The following AMPH variants were observed in gnomAD, a reference collection of about 807,000 sequenced individuals.
AMPH encodes amphiphysin.
AMPH carries 49 observed loss-of-function variants against 99.1 expected under a neutral mutation model. The observed-to-expected ratio is 0.49, with a 90% CI of 0.39 to 0.63. AMPH has a LOEUF of 0.63. Among genes scored for constraint, AMPH ranks in the 20% least tolerant of loss-of-function variants. The pLI, the probability that AMPH is intolerant of heterozygous loss-of-function variation, is 0.00. For missense variants in AMPH, 759 were observed against 863.4 expected, an observed-to-expected ratio of 0.88 and a Z score of 1.52; for synonymous variants, 314 against 317.3, an observed-to-expected ratio of 0.99 and a Z score of 0.11.
intron 1 of AMPH, among the ~76,000 whole-genome samples, chr7:38,581,460 G>A (rs1452951214): frequency 1.3e-5 from 2 of 152,202 alleles, no homozygotes; most frequent in African/African-American, 2.4e-5. Flanking sequence ...AACTGGCAGG[G>A]AAGGGTTATA....
chr7:38,494,358 G>C (rs985321011), intron 4 of AMPH, 75 bp downstream of exon 4: 13 of 1,242,896 alleles, frequency 1.0e-5, no homozygotes, highest in Non-Finnish European at 1.3e-5. Context: ...ACTGTGAAGT[G>C]GAAAGAGCAA....
intron 17 of AMPH, among the ~76,000 whole-genome samples, chr7:38,405,408 A>T (rs1393733500): frequency 2.6e-5 from 4 of 152,168 alleles, no homozygotes; most frequent in African/African-American, 9.7e-5. Context: ...TAGATTAGAA[A>T]ATTGGATTAA....
chr7:38,598,506 G>A (rs1208370583), intron 1 of AMPH, among the ~76,000 whole-genome samples: 3 of 152,124 alleles, frequency 2.0e-5, no homozygotes, highest in Non-Finnish European at 4.4e-5. Flanking sequence ...GTTTCGCCAT[G>A]TTGGCCAGGC....
intron 1 of AMPH, among the ~76,000 whole-genome samples, chr7:38,555,464 T>C (rs112612454): frequency 6.6e-6 from 1 of 152,150 alleles, no homozygotes; most frequent in Non-Finnish European, 1.5e-5. Context: ...GATGAATTCA[T>C]AGTCCCCTCA....
chr7:38,584,661 A>G (rs1792582360), intron 1 of AMPH, among the ~76,000 whole-genome samples: 1 of 152,184 alleles, frequency 6.6e-6, no homozygotes, highest in Non-Finnish European at 1.5e-5. Context: ...AGAACCTCCT[A>G]GAGATTTGGA....
In AMPH at chr7:38,441,880, CAT is replaced by C. The variant is rs1562757897; in HGVS notation, c.1018-5494_1018-5493del. 1.6e-3 allele frequency among the ~76,000 whole-genome samples: 94 copies of C among 59,854 alleles called. 1 individual carries two copies. The highest frequency in any genetic ancestry group is 6.8e-3 in the Middle Eastern group (1 of 146). The allele number at this position is 59,854 out of a possible 152,430, so 39.3% of individuals were successfully genotyped here. The stretch of plus-strand genomic sequence containing the variant: ...TATATCATATATATCATATATATAT[CAT>C]ATACATACACACACACACACGCCAT... On this transcript the variant is annotated intron_variant, in intron 11 of 20. Coordinates refer to ENST00000356264, the MANE Select transcript of AMPH (RefSeq NM_001635.4).
intron 1 of AMPH, among the ~76,000 whole-genome samples, chr7:38,560,440 T>G (rs1330420108): frequency 6.6e-6 from 1 of 152,186 alleles, no homozygotes; most frequent in African/African-American, 2.4e-5. Flanking sequence ...CCCATGGAAT[T>G]GAGAGAAATG....
chr7:38,619,099 G>A (rs1175864746), intron 1 of AMPH, among the ~76,000 whole-genome samples: 1 of 152,196 alleles, frequency 6.6e-6, no homozygotes, highest in African/African-American at 2.4e-5. Flanking sequence ...GGCTGAGGCA[G>A]GAGGATTGCT....
chr7:38,476,744 T>G, intron 6 of AMPH, 118 bp downstream of exon 6: 1 of 668,156 alleles, frequency 1.5e-6, no homozygotes, highest in Non-Finnish European at 2.6e-6. Context: ...ATGTTTCAGT[T>G]TAAATTCTGT....
chr7:38,548,955 T>A (rs74963581), intron 1 of AMPH, among the ~76,000 whole-genome samples: 3,508 of 152,348 alleles, frequency 0.023, 157 homozygotes, highest in African/African-American at 0.08. Flanking sequence ...ATCCTCCATG[T>A]TGAACATGCC....
intron 17 of AMPH, among the ~76,000 whole-genome samples, chr7:38,398,206 A>G (rs1164712573): frequency 6.6e-6 from 1 of 151,670 alleles, no homozygotes; most frequent in Admixed American, 6.6e-5. Flanking sequence ...CAAAAAAAAA[A>G]GGGAAATCAA....
intron 2 of AMPH, among the ~76,000 whole-genome samples, chr7:38,511,884 C>T (rs936634320): frequency 9.2e-5 from 14 of 152,090 alleles, no homozygotes; most frequent in Non-Finnish European, 1.9e-4. Context: ...TCAAAGAAGC[C>T]ATTATCTTTA....
chr7:38,629,343 G>A (rs1357019991), intron 1 of AMPH, among the ~76,000 whole-genome samples: 3 of 152,096 alleles, frequency 2.0e-5, no homozygotes, highest in Non-Finnish European at 4.4e-5. Context: ...CTCTATACTA[G>A]GTGCGGCAGG....
intron 1 of AMPH, among the ~76,000 whole-genome samples, chr7:38,617,437 T>C (rs34590517): frequency 0.021 from 3,164 of 152,322 alleles, 49 homozygotes; most frequent in South Asian, 0.04. Flanking sequence ...TCAAAATAAT[T>C]ATTTTAGAGA....
intron 1 of AMPH, among the ~76,000 whole-genome samples, chr7:38,571,201 A>G (rs1272708713): frequency 3.1e-5 from 3 of 96,928 alleles, no homozygotes; most frequent in African/African-American, 1.3e-4. Flanking sequence ...ATATTTATAT[A>G]TAATTATTTA....
intron 1 of AMPH, among the ~76,000 whole-genome samples, chr7:38,591,882 G>A (rs1008270625): frequency 1.3e-5 from 2 of 152,158 alleles, no homozygotes; most frequent in Non-Finnish European, 1.5e-5. Context: ...AGACCAGCTT[G>A]GTCGTGGAGA....
chr7:38,393,910 T>G, intron 18 of AMPH, 95 bp downstream of exon 18: 2 of 1,181,094 alleles, frequency 1.7e-6, no homozygotes, highest in Non-Finnish European at 2.5e-6. Context: ...AAACCTATTA[T>G]ACATCCAAAG....
intron 2 of AMPH, among the ~76,000 whole-genome samples, chr7:38,514,152 C>T (rs568084115): frequency 2.0e-5 from 3 of 152,204 alleles, no homozygotes; most frequent in South Asian, 2.1e-4. Context: ...TGTCTGCCTC[C>T]CTGTTTTGGA....
At chr7:38,462,592 A>C (rs1478933421) in intron 10 of AMPH, among the ~76,000 whole-genome samples, 1 of 152,224 alleles carries the variant, frequency 6.6e-6, no homozygotes, top group Non-Finnish European at 1.5e-5. Flanking sequence ...TATAAACATA[A>C]CCGCTTTTCT....
Sources: gnomAD v4.1 joint callset for allele counts (sites outside exome capture counted in the v4.1 genomes callset) on GRCh38, gnomAD v4.1.1 for gene constraint, MANE v1.5 for transcripts, NCBI Gene and HGNC (gene_info 2026-07-23, HGNC 2026-07-21) for gene names.